The following RSPH10B variants were observed in gnomAD, a reference collection of about 807,000 sequenced individuals.
RSPH10B encodes radial spoke head 10 homolog B, also known as radial spoke head 10 homolog B (Chlamydomonas).
In RSPH10B, 7 loss-of-function variants were observed where a neutral mutation model predicts 52.5. That is an observed-to-expected ratio of 0.13 (90% confidence interval 0.08 to 0.25). The LOEUF (loss-of-function observed/expected upper bound fraction) is 0.25, where lower values mean the gene tolerates loss of function less well. Among genes scored for constraint, RSPH10B ranks in the 10% least tolerant of loss-of-function variants. The probability of loss-of-function intolerance (pLI) is 1.00; values close to 1 mark genes in which losing one functional copy is unlikely to be tolerated. For synonymous variants in RSPH10B, 28 were observed against 193.2 expected (o/e 0.14, Z 7.09); for missense variants, 89 against 542.5 (o/e 0.16, Z 8.30).
chr7:5,933,626 G>T (rs1779885023), intron 16 of RSPH10B, among the ~76,000 whole-genome samples: 1 of 134,176 alleles, frequency 7.5e-6, no homozygotes, highest in African/African-American at 2.7e-5. Flanking sequence ...CGGGCGTGGG[G>T]GTGGGTGCCT....
chr7:5,927,064 G>GTGTGTGTA (rs1779504888), intron 18 of RSPH10B, among the ~76,000 whole-genome samples: 1 of 103,812 alleles, frequency 9.6e-6, no homozygotes, highest in East Asian at 2.6e-4. Flanking sequence ...GTGTGTGTGT[G>GTGTGTGTA]TGTATATGTG....
chr7:5,943,693 A>G (rs1406159515), intron 12 of RSPH10B, among the ~76,000 whole-genome samples: 2 of 149,790 alleles, frequency 1.3e-5, no homozygotes, highest in African/African-American at 2.5e-5. Context: ...ACAGGCATGC[A>G]CCACCATACC....
intron 13 of RSPH10B, among the ~76,000 whole-genome samples, chr7:5,942,221 G>A (rs1397512607): frequency 2.8e-5 from 4 of 142,760 alleles, no homozygotes; most frequent in Non-Finnish European, 6.2e-5. Context: ...CAACACTTCA[G>A]TCCATCAAAA....
At chr7:5,933,344 A>G (rs1198462872) in intron 16 of RSPH10B, among the ~76,000 whole-genome samples, 4 of 76,904 alleles carry the variant, frequency 5.2e-5, no homozygotes, top group African/African-American at 9.1e-5. Context: ...CCTGAATAAA[A>G]TATTTATATT....
intron 7 of RSPH10B, among the ~76,000 whole-genome samples, chr7:5,954,327 C>T (rs1408500449): frequency 9.1e-5 from 3 of 32,840 alleles, no homozygotes; most frequent in African/African-American, 1.3e-4. Context: ...TTAGTAGAGA[C>T]GGGGTTTCAT....
rs578088812 is a variant in RSPH10B at position 5,942,147 on chromosome 7, G to T, written c.1758+1177C>A. On this transcript the variant is annotated intron_variant, in intron 13 of 18. Coordinates refer to ENST00000337579, the Ensembl canonical transcript of RSPH10B. ...TGACCTCGGGTGATCCACCCCCTCC[G>T]CCTTCCAAAGTCCTTCCTTTTTAAA... 1.2e-3 allele frequency among the ~76,000 whole-genome samples: 171 copies of T among 147,954 alleles called. 1 individual carries two copies. Among genetic ancestry groups the T allele is most frequent in the African/African-American group, 4.1e-3 (165 of 40,126 alleles).
intron 17 of RSPH10B, among the ~76,000 whole-genome samples, chr7:5,928,870 C>T: frequency 6.7e-6 from 1 of 148,842 alleles, no homozygotes; most frequent in African/African-American, 2.5e-5. Flanking sequence ...ACGTGATCCA[C>T]CCACCTCGGC....
chr7:5,931,308 C>G (rs1208319098), intron 17 of RSPH10B, among the ~76,000 whole-genome samples: 1 of 150,752 alleles, frequency 6.6e-6, no homozygotes, highest in Non-Finnish European at 1.5e-5. Context: ...GGAGGAGTAA[C>G]GGGAAACGAC....
At chr7:5,926,925 T>A (rs1329220884) in intron 18 of RSPH10B, among the ~76,000 whole-genome samples, 1 of 146,046 alleles carries the variant, frequency 6.8e-6, no homozygotes, top group East Asian at 2.1e-4. Flanking sequence ...CGGCTAATAT[T>A]TTGTATTTTT....
chr7:5,940,076 A>G (rs567433340), intron 13 of RSPH10B, among the ~76,000 whole-genome samples: 2 of 128,944 alleles, frequency 1.6e-5, no homozygotes, highest in South Asian at 4.5e-4. Context: ...GTGTGCCTGT[A>G]GTCCCAGCTA....
chr7:5,956,554 T>A (rs1472326842), intron 6 of RSPH10B, among the ~76,000 whole-genome samples: 4 of 87,428 alleles, frequency 4.6e-5, no homozygotes, highest in Admixed American at 1.4e-4. Flanking sequence ...ATTTTAAATG[T>A]TGGGGTTTAT....
At chr7:5,927,098 A>ATT (rs1232040567) in intron 18 of RSPH10B, among the ~76,000 whole-genome samples, 12 of 74,572 alleles carry the variant, frequency 1.6e-4, no homozygotes, top group African/African-American at 4.7e-4. Flanking sequence ...GTGTGTGTGT[A>ATT]TTTTTTTTTT....
At chr7:5,943,710 A>G (rs1325836141) in intron 12 of RSPH10B, among the ~76,000 whole-genome samples, 5 of 150,282 alleles carry the variant, frequency 3.3e-5, no homozygotes, top group African/African-American at 1.2e-4. Context: ...TACCTGGCTA[A>G]TTTTTTTGTA....
At chr7:5,937,213 C>G (rs1184557432) in intron 15 of RSPH10B, among the ~76,000 whole-genome samples, 1 of 128,224 alleles carries the variant, frequency 7.8e-6, no homozygotes, top group Non-Finnish European at 1.8e-5. Flanking sequence ...AGGCATGATT[C>G]CACCACTGCA....
intron 17 of RSPH10B, among the ~76,000 whole-genome samples, chr7:5,931,720 C>G (rs1779783175): frequency 6.7e-6 from 1 of 148,894 alleles, no homozygotes; most frequent in African/African-American, 2.5e-5. Flanking sequence ...AAAAAATGCC[C>G]AGGGGCGGGT....
chr7:5,950,424 A>AG (rs1397461102), intron 9 of RSPH10B, among the ~76,000 whole-genome samples: 1 of 149,812 alleles, frequency 6.7e-6, no homozygotes, highest in East Asian at 2.0e-4. Flanking sequence ...TACAAAATAT[A>AG]GCTGGGGGTG....
intron 13 of RSPH10B, among the ~76,000 whole-genome samples, chr7:5,939,585 A>AACACACACACACAC (rs762383240): frequency 2.8e-5 from 1 of 36,220 alleles, no homozygotes; most frequent in African/African-American, 1.6e-4. Flanking sequence ...ACCTGTCTCA[A>AACACACACACACAC]ACACACACAC....
intron 18 of RSPH10B, among the ~76,000 whole-genome samples, chr7:5,927,071 TGTG>T (rs1562553303): frequency 3.4e-4 from 9 of 26,580 alleles, no homozygotes; most frequent in South Asian, 1.5e-3. Flanking sequence ...TGTGTGTATA[TGTG>T]TGTGTGTGTG....
intron 17 of RSPH10B, among the ~76,000 whole-genome samples, chr7:5,928,901 C>T (rs1779672551): frequency 6.7e-6 from 1 of 149,006 alleles, no homozygotes; most frequent in South Asian, 2.1e-4. Context: ...GCTGGGATTA[C>T]AGGCATGAGC....
Sources: allele counts gnomAD v4.1 joint callset (sites outside exome capture counted in the v4.1 genomes callset), GRCh38; gene constraint gnomAD v4.1.1; transcripts MANE v1.5; gene names NCBI Gene and HGNC (gene_info 2026-07-23, HGNC 2026-07-21).